Variants in ROBO2 observed in about 807,000 individuals in gnomAD.
ROBO2 encodes roundabout homolog 2.
ROBO2 carries 53 observed loss-of-function variants against 160.8 expected under a neutral mutation model. The observed-to-expected ratio is 0.33, with a 90% CI of 0.26 to 0.41. The LOEUF (loss-of-function observed/expected upper bound fraction) is 0.41, where lower values mean the gene tolerates loss of function less well. Among genes scored for constraint, ROBO2 ranks in the 10% least tolerant of loss-of-function variants. ROBO2 has a pLI of 1.00. For missense variants in ROBO2, 1,577 were observed against 1,722.4 expected, an observed-to-expected ratio of 0.92 and a Z score of 1.49; for synonymous variants, 664 against 611.7, an observed-to-expected ratio of 1.09 and a Z score of -1.26.
chr3:77,015,518 T>C (rs886231617), intron 2 of ROBO2, among the ~76,000 whole-genome samples: 1 of 152,214 alleles, frequency 6.6e-6, no homozygotes, highest in Non-Finnish European at 1.5e-5. Context: ...AGCAGCTCTA[T>C]GCAAATTAGA....
At chr3:77,191,109 T>C (rs1203621015) in intron 2 of ROBO2, among the ~76,000 whole-genome samples, 1 of 152,140 alleles carries the variant, frequency 6.6e-6, no homozygotes, top group Non-Finnish European at 1.5e-5. Context: ...ATTATACATG[T>C]GTGGGATATT....
chr3:77,206,630 C>G (rs1039645582), intron 2 of ROBO2, among the ~76,000 whole-genome samples: 4 of 152,048 alleles, frequency 2.6e-5, no homozygotes, highest in Non-Finnish European at 5.9e-5. Context: ...GGAACACAGT[C>G]TCACTCATAA....
chr3:76,854,055 TCTCTCTC>T lies in ROBO2; in HGVS notation c.110-243958_110-243952del, dbSNP rs2069746503. Reference sequence around the variant, plus strand: ...CTCTCTCTCTCTCTCTCTCTCTCTCTCTCTCTCTCTCTTTCTCTGTCTGCCTCTCTCT... The same window carrying T: ...CTCTCTCTCTCTCTCTCTCTCTCTCTTCTCTTTCTCTGTCTGCCTCTCTCT... On this transcript the variant is annotated intron_variant, in intron 2 of 26. Transcript: ENST00000487694. Among the ~76,000 whole-genome samples the T allele has an allele frequency of 4.3e-5, 4 of 91,974 alleles. No homozygotes were observed. The South Asian group carries it at 1.5e-3, about 35-fold the overall frequency. 60.3% of individuals were successfully genotyped at this position (91,974 alleles called of 152,430 possible).
chr3:76,909,870 T>G (rs1291895882), intron 2 of ROBO2, among the ~76,000 whole-genome samples: 2 of 152,234 alleles, frequency 1.3e-5, no homozygotes, highest in Non-Finnish European at 2.9e-5. Flanking sequence ...AAAATATGCT[T>G]GGGAGACAGA....
intron 2 of ROBO2, among the ~76,000 whole-genome samples, chr3:76,414,301 A>T (rs1321734202): frequency 6.6e-6 from 1 of 152,120 alleles, no homozygotes; most frequent in African/African-American, 2.4e-5. Context: ...CTTTCAAAGT[A>T]TTATAAAATT....
chr3:76,617,877 G>A (rs976606178), intron 2 of ROBO2, among the ~76,000 whole-genome samples: 4 of 151,608 alleles, frequency 2.6e-5, no homozygotes, highest in African/African-American at 9.7e-5. Flanking sequence ...GCTTAGCAAA[G>A]GAGGAAATGC....
chr3:75,989,321 T>C (rs537839971), intron 2 of ROBO2, among the ~76,000 whole-genome samples: 4 of 152,206 alleles, frequency 2.6e-5, no homozygotes, highest in Non-Finnish European at 4.4e-5. Flanking sequence ...TTTCACCGTG[T>C]TGGCCAGGCT....
chr3:77,073,521 A>G (rs2067628503), intron 1 of ROBO2, among the ~76,000 whole-genome samples: 1 of 152,198 alleles, frequency 6.6e-6, no homozygotes, highest in African/African-American at 2.4e-5. Flanking sequence ...ATTTGAAGGT[A>G]AAGTAAGGAA....
In ROBO2 at chr3:76,223,329, G is replaced by T. The variant is rs1034398458; in HGVS notation, c.109+285727G>T. 2.5e-4 allele frequency among the ~76,000 whole-genome samples: 38 copies of T among 151,824 alleles called. 1 individual carries two copies. The highest frequency in any genetic ancestry group is 2.2e-3 in the Admixed American group (34 of 15,230). ...ATTACTGTTTCCTGGGGCAATGCGG[G>T]GTTAACCCCCTCAGATAGAGATGAA... is the stretch of plus-strand genomic sequence containing the variant. On this transcript the variant is annotated intron_variant, in intron 2 of 26. Transcript: ENST00000487694.
chr3:76,032,452 G>T (rs1156231439), intron 2 of ROBO2, among the ~76,000 whole-genome samples: 1 of 152,058 alleles, frequency 6.6e-6, no homozygotes, highest in Non-Finnish European at 1.5e-5. Context: ...TGATGTTAGG[G>T]TGTCAATTTT....
rs545591798 is a variant in ROBO2, at chr3:77,291,049, G to C, written c.389-186365G>C. Among the ~76,000 whole-genome samples the C allele has an allele frequency of 3.7e-3, 563 of 150,388 alleles. 5 individuals carry two copies. Among genetic ancestry groups the C allele is most frequent in the Admixed American group, 6.6e-3 (100 of 15,138 alleles). ...TGAAGTAAAATTGATGGTTAAACGAGTAAGCTGAGGCTAGATCACCCCAGA... is the reference window on the plus strand; with the variant it reads ...TGAAGTAAAATTGATGGTTAAACGACTAAGCTGAGGCTAGATCACCCCAGA... On this transcript the variant is annotated intron_variant, in intron 2 of 25. Transcript: ENST00000461745.
At chr3:77,151,744 G>A (rs900863812) in intron 2 of ROBO2, among the ~76,000 whole-genome samples, 1 of 152,108 alleles carries the variant, frequency 6.6e-6, no homozygotes, top group Non-Finnish European at 1.5e-5. Flanking sequence ...GCAAGAAATG[G>A]TATTTTCTCC....
At chr3:76,857,885 T>C (rs927181322) in intron 2 of ROBO2, among the ~76,000 whole-genome samples, 1 of 152,332 alleles carries the variant, frequency 6.6e-6, no homozygotes, top group Admixed American at 6.5e-5. Context: ...AGCCTTTTAC[T>C]TGAGCTGTGA....
chr3:76,894,427 T>C (rs887917625), intron 2 of ROBO2, among the ~76,000 whole-genome samples: 1 of 152,136 alleles, frequency 6.6e-6, no homozygotes, highest in African/African-American at 2.4e-5. Context: ...TGTCAAAATA[T>C]GTAAGAACGA....
rs138185289 is a variant in ROBO2, at chr3:77,095,509, T to C, written c.62-2505T>C. ...AGCACCCTAGTAGCTATTTACTTGC[T>C]TACTTTTAATAGTAGAACAGTTTTG... On this transcript the variant is annotated intron_variant, in intron 1 of 25. Coordinates refer to ENST00000461745, the Ensembl canonical transcript of ROBO2. Among the ~76,000 whole-genome samples the C allele has an allele frequency of 2.0e-3, 304 of 152,296 alleles. 3 individuals are homozygous for C. Among genetic ancestry groups the C allele is most frequent in the African/African-American group, 7.1e-3 (294 of 41,566 alleles).
At chr3:77,141,543 T>G (rs2076704404) in intron 2 of ROBO2, among the ~76,000 whole-genome samples, 1 of 152,166 alleles carries the variant, frequency 6.6e-6, no homozygotes, top group Non-Finnish European at 1.5e-5. Context: ...CTACCCCCTC[T>G]CAGTTATTCA....
chr3:76,538,611 G>T (rs142025626), intron 2 of ROBO2, among the ~76,000 whole-genome samples: 62 of 152,192 alleles, frequency 4.1e-4, no homozygotes, highest in African/African-American at 1.4e-3. Flanking sequence ...TTAGAACTGG[G>T]GTACATGTTG....
intron 2 of ROBO2, among the ~76,000 whole-genome samples, chr3:76,301,816 G>C (rs1360072213): frequency 6.6e-6 from 1 of 152,096 alleles, no homozygotes; most frequent in Non-Finnish European, 1.5e-5. Flanking sequence ...CCGAAGGGTT[G>C]TAAGTGGGAG....
At chr3:77,619,830 C>T (rs1365259316) in intron 22 of ROBO2, among the ~76,000 whole-genome samples, 1 of 152,104 alleles carries the variant, frequency 6.6e-6, no homozygotes, top group African/African-American at 2.4e-5. Flanking sequence ...GGGCAAAGGC[C>T]TAACCTCTCT....
Sources: gnomAD v4.1 joint callset for allele counts (sites outside exome capture counted in the v4.1 genomes callset) on GRCh38, gnomAD v4.1.1 for gene constraint, MANE v1.5 for transcripts, NCBI Gene and HGNC (gene_info 2026-07-23, HGNC 2026-07-21) for gene names.